SORCS3: variants seen among roughly 807,000 people sequenced by gnomAD.
The protein encoded by SORCS3 is sortilin related VPS10 domain containing receptor 3, also known as VPS10 domain-containing receptor SorCS3.
A neutral mutation model predicts 146.3 loss-of-function variants in SORCS3; 57 were observed. The observed-to-expected ratio is 0.39, with a 90% CI of 0.31 to 0.49. The LOEUF (loss-of-function observed/expected upper bound fraction) is 0.49. SORCS3 is among the 20% of genes least tolerant of loss of function. SORCS3 has a pLI of 0.92. For missense variants in SORCS3, 1,341 were observed against 1,575.5 expected, an observed-to-expected ratio of 0.85 and a Z score of 2.52; for synonymous variants, 653 against 618.5, an observed-to-expected ratio of 1.06 and a Z score of -0.83.
chr10:104,955,814 C>G (rs2019483160), intron 3 of SORCS3, among the ~76,000 whole-genome samples: 1 of 152,140 alleles, frequency 6.6e-6, no homozygotes, highest in Admixed American at 6.5e-5. Flanking sequence ...GCAGAGCAGT[C>G]CATCTTTTGA....
chr10:105,140,495 G>C (rs1216173014), intron 8 of SORCS3, among the ~76,000 whole-genome samples: 1 of 152,160 alleles, frequency 6.6e-6, no homozygotes, highest in Non-Finnish European at 1.5e-5. Flanking sequence ...AATAAGCAAC[G>C]ATAGGTATGA....
intron 1 of SORCS3, among the ~76,000 whole-genome samples, chr10:104,784,984 G>A (rs2017415468): frequency 6.6e-6 from 1 of 152,190 alleles, no homozygotes; most frequent in South Asian, 2.1e-4. Context: ...ACGGGGTGGT[G>A]GCCGGGCAGA....
At chr10:104,942,933 G>C (rs908405507) in intron 3 of SORCS3, among the ~76,000 whole-genome samples, 1 of 152,126 alleles carries the variant, frequency 6.6e-6, no homozygotes, top group Non-Finnish European at 1.5e-5. Context: ...CATTATAATG[G>C]AGGTTCTAGT....
intron 1 of SORCS3, among the ~76,000 whole-genome samples, chr10:104,819,908 A>C (rs1407430632): frequency 6.6e-6 from 1 of 152,212 alleles, no homozygotes; most frequent in Non-Finnish European, 1.5e-5. Flanking sequence ...AAGATTGCTC[A>C]TGCAGCTATG....
intron 13 of SORCS3, among the ~76,000 whole-genome samples, chr10:105,174,747 G>T (rs887085457): frequency 1.3e-5 from 2 of 151,992 alleles, no homozygotes; most frequent in African/African-American, 4.8e-5. Flanking sequence ...CTGCCGATCC[G>T]CTCTTTCCTC....
chr10:105,011,816 C>T (rs933822796), intron 4 of SORCS3, among the ~76,000 whole-genome samples: 1 of 152,140 alleles, frequency 6.6e-6, no homozygotes, highest in African/African-American at 2.4e-5. Context: ...GCTCTTGGCA[C>T]TTGGGTACAT....
chr10:104,854,952 A>G (rs1056654667), intron 2 of SORCS3, among the ~76,000 whole-genome samples: 1 of 152,142 alleles, frequency 6.6e-6, no homozygotes, highest in Non-Finnish European at 1.5e-5. Flanking sequence ...TTGTTTAACC[A>G]TTTACCTGTT....
rs547558529 is a variant in SORCS3, at chr10:104,686,468, C to T, written c.627+44514C>T. 3.0e-4 allele frequency among the ~76,000 whole-genome samples: 45 copies of T among 152,218 alleles called. No individual in the cohort carries two copies. In the South Asian group the frequency reaches 8.3e-3, roughly 28 times the overall value. ...CTGGATAAATAAAGTAACAACCAAT[C>T]GTCGTGAGCTCTGGACACCCACAGT... On this transcript the variant is annotated intron_variant, in intron 1 of 26. Transcript: ENST00000369701.
At chr10:105,063,739 A>G (rs1056635760) in intron 5 of SORCS3, among the ~76,000 whole-genome samples, 4 of 152,358 alleles carry the variant, frequency 2.6e-5, no homozygotes, top group Middle Eastern at 3.4e-3. Context: ...GATGCTGAAT[A>G]GACACCAGCC....
chr10:105,190,377 A>G (rs988191946), intron 14 of SORCS3, among the ~76,000 whole-genome samples: 1 of 152,184 alleles, frequency 6.6e-6, no homozygotes. Context: ...TCAGTGTTCA[A>G]TAATTTTTCA....
intron 1 of SORCS3, among the ~76,000 whole-genome samples, chr10:104,756,341 G>T (rs2017050660): frequency 6.6e-6 from 1 of 152,138 alleles, no homozygotes; most frequent in South Asian, 2.1e-4. Context: ...GACTGATGAG[G>T]TTCCTCTACA....
At chr10:104,861,197 T>C (rs939253329) in intron 2 of SORCS3, among the ~76,000 whole-genome samples, 1 of 152,174 alleles carries the variant, frequency 6.6e-6, no homozygotes, top group Admixed American at 6.5e-5. Flanking sequence ...TCTGTACCTG[T>C]CGTACCTGTT....
intron 1 of SORCS3, among the ~76,000 whole-genome samples, chr10:104,683,938 C>T (rs1485135109): frequency 6.6e-6 from 1 of 152,078 alleles, no homozygotes; most frequent in Non-Finnish European, 1.5e-5. Flanking sequence ...CAGAGGAGAG[C>T]CTTAGAAAGC....
At chr10:104,857,097 G>A (rs1203830034) in intron 2 of SORCS3, among the ~76,000 whole-genome samples, 9 of 148,640 alleles carry the variant, frequency 6.1e-5, no homozygotes, top group African/African-American at 2.0e-4. Flanking sequence ...GGTGTGAGGG[G>A]ATGGGCATGC....
At chr10:105,102,857 T>G (rs1478370325) in intron 6 of SORCS3, among the ~76,000 whole-genome samples, 1 of 142,654 alleles carries the variant, frequency 7.0e-6, no homozygotes, top group Non-Finnish European at 1.5e-5. Flanking sequence ...TGGCGCGATC[T>G]CGGCTCAGTG....
chr10:105,189,248 C>T (rs147226208), intron 14 of SORCS3, among the ~76,000 whole-genome samples: 3 of 152,294 alleles, frequency 2.0e-5, no homozygotes, highest in Admixed American at 6.5e-5. Flanking sequence ...CTTTCACCCA[C>T]GCAAGTGGCT....
intron 1 of SORCS3, among the ~76,000 whole-genome samples, chr10:104,698,100 A>C (rs930102300): frequency 3.3e-5 from 5 of 152,218 alleles, no homozygotes; most frequent in African/African-American, 1.2e-4. Context: ...CTTTCTAGGA[A>C]GTCATGGACC....
intron 3 of SORCS3, among the ~76,000 whole-genome samples, chr10:104,954,356 A>G (rs561621788): frequency 6.6e-6 from 1 of 152,218 alleles, no homozygotes; most frequent in South Asian, 2.1e-4. Flanking sequence ...TTAGCACTTA[A>G]ATATTGCTGG....
intron 3 of SORCS3, among the ~76,000 whole-genome samples, chr10:104,933,429 C>T (rs944640795): frequency 4.6e-5 from 7 of 151,990 alleles, no homozygotes; most frequent in African/African-American, 1.2e-4. Context: ...GAGGGAACTG[C>T]TTCCAGAAGC....
Sources: allele counts gnomAD v4.1 joint callset (sites outside exome capture counted in the v4.1 genomes callset), GRCh38; gene constraint gnomAD v4.1.1; transcripts MANE v1.5; gene names NCBI Gene and HGNC (gene_info 2026-07-23, HGNC 2026-07-21).